The following FXYD5 variants were observed in gnomAD, a reference collection of about 807,000 sequenced individuals.
FXYD5 encodes FXYD domain containing ion transport regulator 5.
In FXYD5, 21 loss-of-function variants were observed where a neutral mutation model predicts 25.7. The ratio of observed to expected loss-of-function variants is 0.82; its 90% CI spans 0.58 to 1.18. The LOEUF is 1.18. Among genes scored for constraint, FXYD5 ranks in the 50% most tolerant of loss-of-function variants. The pLI, the probability that FXYD5 is intolerant of heterozygous loss-of-function variation, is 0.00. For synonymous variants in FXYD5, 101 were observed against 90.7 expected, an observed-to-expected ratio of 1.11 and a Z score of -0.64; for missense variants, 229 against 227.7, an observed-to-expected ratio of 1.01 and a Z score of -0.04.
chr19:35,155,679 G>A lies in FXYD5; in HGVS notation c.61+68G>A, dbSNP rs569369878. The A allele has an allele frequency of 4.1e-5, 48 of 1,181,522 alleles. 1 individual carries two copies. The highest frequency in any genetic ancestry group is 4.0e-4 in the South Asian group (33 of 82,622). The allele number at this position is 1,181,522 out of a possible 1,614,324, so 73.2% of individuals were successfully genotyped here. ...GCCAGGCCAGCCCCACGTGTGCTGCGGGGTGGGTGGTTGGCCCGTGTGAAC... is the reference window on the plus strand; with the variant it reads ...GCCAGGCCAGCCCCACGTGTGCTGCAGGGTGGGTGGTTGGCCCGTGTGAAC... On this transcript the variant is annotated intron_variant, in intron 2 of 8. Coordinates refer to ENST00000392219, the MANE Select transcript of FXYD5 (RefSeq NM_014164.6).
intron 4 of FXYD5, 57 bp downstream of exon 4, chr19:35,158,457 T>A: frequency 9.7e-7 from 1 of 1,027,540 alleles, no homozygotes; most frequent in Non-Finnish European, 1.6e-6. Flanking sequence ...AAGTTTCCCC[T>A]CTTCCTCTGA....
intron 2 of FXYD5, among the ~76,000 whole-genome samples, chr19:35,156,251 C>T (rs1459632640): frequency 2.0e-5 from 3 of 152,156 alleles, no homozygotes; most frequent in Non-Finnish European, 4.4e-5. Flanking sequence ...GTCCTGCCTG[C>T]CCCCAGAACC....
At chr19:35,169,250 T>C (rs1600514239) in intron 8 of FXYD5, among the ~76,000 whole-genome samples, 1 of 152,210 alleles carries the variant, frequency 6.6e-6, no homozygotes, top group Admixed American at 6.5e-5. Context: ...TCTTTCCCCA[T>C]AGAAAGACAA....
At chr19:35,157,930 G>A (rs1483715245) in intron 3 of FXYD5, among the ~76,000 whole-genome samples, 1 of 152,234 alleles carries the variant, frequency 6.6e-6, no homozygotes, top group Non-Finnish European at 1.5e-5. Flanking sequence ...TGGGTTCCAT[G>A]TCCAACCTCC....
At chr19:35,156,323 T>C (rs1465077957) in intron 2 of FXYD5, among the ~76,000 whole-genome samples, 1 of 152,212 alleles carries the variant, frequency 6.6e-6, no homozygotes, top group Non-Finnish European at 1.5e-5. Context: ...TTTCATATAC[T>C]CGTTCAGTCA....
intron 4 of FXYD5, chr19:35,159,826 C>T (rs537990306): frequency 1.6e-5 from 11 of 671,544 alleles, no homozygotes; most frequent in Non-Finnish European, 2.4e-5. Flanking sequence ...CAGCTGGAAT[C>T]GAAGTCCAGG....
intron 8 of FXYD5, among the ~76,000 whole-genome samples, chr19:35,167,765 C>G (rs2065463850): frequency 6.6e-6 from 1 of 152,104 alleles, no homozygotes; most frequent in Non-Finnish European, 1.5e-5. Context: ...TGTGCGTGAT[C>G]CCCACTGAAT....
At chr19:35,164,796 A>G (rs1393360228) in intron 6 of FXYD5, among the ~76,000 whole-genome samples, 1 of 152,234 alleles carries the variant, frequency 6.6e-6, no homozygotes, top group South Asian at 2.1e-4. Flanking sequence ...AGAGTGGTGA[A>G]CAAGCCAGAA....
At chr19:35,159,519 C>T (rs1568412179) in intron 4 of FXYD5, 8 of 1,550,486 alleles carry the variant, frequency 5.2e-6, no homozygotes, top group African/African-American at 2.7e-5. Context: ...CCACAAGGCG[C>T]CTATATCACA....
rs540907822 is a variant in FXYD5, at chr19:35,169,512, G to A, written c.488-54G>A. 185 of 1,354,694 alleles carry A rather than the reference G, an allele frequency of 1.4e-4. 2 individuals carry two copies. The South Asian group carries it at 1.8e-3, about 13-fold the overall frequency. 83.9% of individuals were successfully genotyped at this position (1,354,694 alleles called of 1,614,324 possible). On this transcript the variant is annotated intron_variant, in intron 8 of 8. Coordinates refer to ENST00000392219, the MANE Select transcript of FXYD5 (RefSeq NM_014164.6). ...CTGGTTCCCCAGCCCCACAACACAC[G>A]ATAAGAATCAATATCACTCTAGCTC... is the stretch of plus-strand genomic sequence containing the variant.
At chr19:35,156,461 A>G (rs372470762) in intron 2 of FXYD5, among the ~76,000 whole-genome samples, 2 of 152,324 alleles carry the variant, frequency 1.3e-5, no homozygotes, top group African/African-American at 4.8e-5. Flanking sequence ...ATCGTGTGCT[A>G]GGAGGTGATA....
chr19:35,160,162 T>C (rs768435048), intron 4 of FXYD5, among the ~76,000 whole-genome samples: 20 of 152,250 alleles, frequency 1.3e-4, no homozygotes, highest in African/African-American at 3.9e-4. Context: ...TGAGCTATGA[T>C]TGCACCACTG....
chr19:35,164,321 C>A, intron 6 of FXYD5, 76 bp downstream of exon 6: 2 of 1,426,834 alleles, frequency 1.4e-6, no homozygotes, highest in Non-Finnish European at 1.9e-6. Context: ...GGAGTACAGC[C>A]CAGCACAGAA....
At chr19:35,163,970 T>A (rs2065428274) in intron 5 of FXYD5, 186 bp from the exon 6 acceptor site, 1 of 1,471,650 alleles carries the variant, frequency 6.8e-7, no homozygotes, top group Non-Finnish European at 9.0e-7. Context: ...TGTGCTTATT[T>A]CAGCATTTCA....
At chr19:35,168,152 A>C (rs888127811) in intron 8 of FXYD5, among the ~76,000 whole-genome samples, 1 of 151,870 alleles carries the variant, frequency 6.6e-6, no homozygotes, top group African/African-American at 2.4e-5. Context: ...CTCTGGGGCC[A>C]TGTATTTTTC....
At chr19:35,167,494 A>G (rs974225445) in intron 8 of FXYD5, among the ~76,000 whole-genome samples, 18 of 152,202 alleles carry the variant, frequency 1.2e-4, no homozygotes, top group Admixed American at 1.0e-3. Flanking sequence ...CCAGAGGGCA[A>G]GGGGCCCAGG....
At chr19:35,166,213 G>A in intron 7 of FXYD5, 38 bp from the exon 8 acceptor site, 1 of 1,611,732 alleles carries the variant, frequency 6.2e-7, no homozygotes, top group African/African-American at 1.3e-5. Flanking sequence ...GAAAGGTGAG[G>A]TCCGTCTGAC....
rs2065483660 is a variant in FXYD5, at chr19:35,169,822, G to A, written c.*207G>A. On this transcript the variant is annotated 3_prime_UTR_variant, in exon 9 of 9. Coordinates refer to ENST00000392219, the MANE Select transcript of FXYD5 (RefSeq NM_014164.6). ...CCCTGAAGGCTACCTGGCGCCTTGG[G>A]GGCTGTCCCTCAAGTTATCTCCTCT... The A allele has an allele frequency of 1.7e-6, 1 of 584,836 alleles. No homozygotes were observed. Among genetic ancestry groups the A allele is most frequent in the African/African-American group, 1.9e-5 (1 of 53,530 alleles). 36.2% of individuals were successfully genotyped at this position (584,836 alleles called of 1,614,324 possible).
At chr19:35,163,479 TTTG>T (rs1008060213) in intron 5 of FXYD5, among the ~76,000 whole-genome samples, 2 of 151,738 alleles carry the variant, frequency 1.3e-5, no homozygotes, top group South Asian at 2.1e-4. Context: ...TCAGAATAGT[TTTG>T]TTGTTGTTGT....
Sources: gnomAD v4.1 joint callset for allele counts (sites outside exome capture counted in the v4.1 genomes callset) on GRCh38, gnomAD v4.1.1 for gene constraint, MANE v1.5 for transcripts, NCBI Gene and HGNC (gene_info 2026-07-23, HGNC 2026-07-21) for gene names.